The following ARHGAP15 variants were observed in gnomAD, a reference collection of about 807,000 sequenced individuals.
The protein encoded by ARHGAP15 is Rho GTPase activating protein 15.
Under a neutral mutation model 63.7 loss-of-function variants are expected in ARHGAP15, and 51 were observed. The ratio of observed to expected loss-of-function variants is 0.80; its 90% confidence interval spans 0.64 to 1.01. The LOEUF is 1.01. ARHGAP15 is among the 50% of genes least tolerant of loss of function. The pLI is 0.00. For missense variants in ARHGAP15, 560 were observed against 564.6 expected (o/e 0.99, Z 0.08); for synonymous variants, 191 against 193.8 (o/e 0.99, Z 0.12).
chr2:143,501,457 C>G (rs561397816), intron 9 of ARHGAP15, among the ~76,000 whole-genome samples: 1 of 152,154 alleles, frequency 6.6e-6, no homozygotes, highest in East Asian at 1.9e-4. Context: ...GAAGTGAGAG[C>G]CTGTTTTAGT....
At chr2:143,308,477 A>AC (rs1683281736) in intron 6 of ARHGAP15, among the ~76,000 whole-genome samples, 1 of 149,172 alleles carries the variant, frequency 6.7e-6, no homozygotes, top group Admixed American at 6.7e-5. Context: ...GTTGATAAGA[A>AC]ACACACACAC....
At chr2:143,498,944 C>A (rs1692936260) in intron 9 of ARHGAP15, among the ~76,000 whole-genome samples, 1 of 152,100 alleles carries the variant, frequency 6.6e-6, no homozygotes, top group Non-Finnish European at 1.5e-5. Context: ...TAAAAGGCAG[C>A]CATTTAAGAC....
chr2:143,194,889 A>G (rs1189164725), intron 2 of ARHGAP15, among the ~76,000 whole-genome samples: 1 of 152,202 alleles, frequency 6.6e-6, no homozygotes, highest in Admixed American at 6.5e-5. Context: ...TAAATAAAGC[A>G]GAGAAAGAAT....
chr2:143,229,052 C>T (rs918986561), intron 5 of ARHGAP15, among the ~76,000 whole-genome samples: 2 of 151,862 alleles, frequency 1.3e-5, no homozygotes, highest in East Asian at 1.9e-4. Context: ...AAATGCTTAA[C>T]GGATGATACT....
rs1233517799 is a variant in ARHGAP15 at position 143,666,862 on chromosome 2, G to A, written c.1139-36557G>A. On this transcript the variant is annotated intron_variant, in intron 12 of 13. Coordinates refer to ENST00000295095, the MANE Select transcript of ARHGAP15 (RefSeq NM_018460.4). ...CATCAGAGAAATGCAAATCTAAACC[G>A]CAATGAGATACCATCTCACACCAGT... is the stretch of plus-strand genomic sequence containing the variant. Among the ~76,000 whole-genome samples the A allele has an allele frequency of 1.3e-3, 184 of 146,434 alleles. 5 individuals are homozygous for A. The highest frequency in any genetic ancestry group is 3.9e-3 in the African/African-American group (143 of 36,376).
chr2:143,565,205 G>A (rs987033772), intron 11 of ARHGAP15, among the ~76,000 whole-genome samples: 5 of 152,048 alleles, frequency 3.3e-5, no homozygotes, highest in South Asian at 2.1e-4. Context: ...CATGGGGAAG[G>A]GGGCAGAGAG....
intron 6 of ARHGAP15, among the ~76,000 whole-genome samples, chr2:143,327,405 T>C: frequency 6.6e-6 from 1 of 152,118 alleles, no homozygotes; most frequent in East Asian, 1.9e-4. Context: ...ACTTTAAATT[T>C]CATATGGAAC....
intron 2 of ARHGAP15, among the ~76,000 whole-genome samples, chr2:143,201,769 A>T (rs944817278): frequency 8.5e-5 from 13 of 152,126 alleles, no homozygotes; most frequent in Non-Finnish European, 1.6e-4. Context: ...ACACAGGAGA[A>T]TGTATGACAT....
chr2:143,230,727 G>A (rs963396212), intron 5 of ARHGAP15, among the ~76,000 whole-genome samples: 4 of 152,170 alleles, frequency 2.6e-5, no homozygotes, highest in Admixed American at 6.5e-5. Flanking sequence ...GATAGCCCAC[G>A]TTTACCAGTT....
At chr2:143,747,626 A>G (rs528511257) in intron 13 of ARHGAP15, among the ~76,000 whole-genome samples, 1 of 152,286 alleles carries the variant, frequency 6.6e-6, no homozygotes, top group Admixed American at 6.5e-5. Flanking sequence ...GCTTGGAATC[A>G]TATAGTATAC....
At chr2:143,586,899 ATC>A (rs1216029870) in intron 11 of ARHGAP15, among the ~76,000 whole-genome samples, 4 of 149,098 alleles carry the variant, frequency 2.7e-5, no homozygotes, top group Admixed American at 1.3e-4. Context: ...CAATCTCTCA[ATC>A]TCTCTCTCTC....
chr2:143,413,964 T>TGCGCGCGCGCGCGCGCGC (rs1263567075), intron 6 of ARHGAP15, among the ~76,000 whole-genome samples: 9 of 67,024 alleles, frequency 1.3e-4, no homozygotes, highest in African/African-American at 2.1e-4. Context: ...TGTGTGTGTG[T>TGCGCGCGCGCGCGCGCGC]GTGCGCGCTC....
In ARHGAP15 at chr2:143,248,027, G is replaced by C. The variant is rs77638557; in HGVS notation, c.385-2484G>C. ...ACTGTTCCATACATTGGGAAAAACA[G>C]TAGAGGAAAAGGCAAACAAGGCCCT... is the stretch of plus-strand genomic sequence containing the variant. On this transcript the variant is annotated intron_variant, in intron 5 of 13. Transcript: ENST00000295095. Among the ~76,000 whole-genome samples the C allele has an allele frequency of 8.9e-3, 1,355 of 152,192 alleles. 11 individuals carry two copies. Among genetic ancestry groups the C allele is most frequent in the Non-Finnish European group, 0.013 (890 of 67,998 alleles).
intron 13 of ARHGAP15, among the ~76,000 whole-genome samples, chr2:143,766,060 G>T (rs1042176319): frequency 6.6e-6 from 1 of 152,040 alleles, no homozygotes; most frequent in Admixed American, 6.6e-5. Flanking sequence ...CATGGCTTAG[G>T]CCCTGCTCAA....
chr2:143,237,082 G>A (rs945642794), intron 5 of ARHGAP15: 15 of 152,170 alleles, frequency 9.9e-5, no homozygotes, highest in African/African-American at 3.6e-4. Context: ...TAGGTAATGT[G>A]GGGTTTTTGT....
chr2:143,767,546 A>T (rs1207886705), intron 13 of ARHGAP15, among the ~76,000 whole-genome samples: 1 of 152,142 alleles, frequency 6.6e-6, no homozygotes, highest in Non-Finnish European at 1.5e-5. Context: ...TTTACTCAAC[A>T]CTAATCAGGA....
intron 5 of ARHGAP15, among the ~76,000 whole-genome samples, chr2:143,238,866 A>G (rs1157324375): frequency 6.6e-6 from 1 of 152,220 alleles, no homozygotes; most frequent in Non-Finnish European, 1.5e-5. Context: ...TGCAGCTATA[A>G]AAAGGAATGA....
intron 5 of ARHGAP15, among the ~76,000 whole-genome samples, chr2:143,234,497 C>G (rs1168184250): frequency 6.6e-6 from 1 of 152,124 alleles, no homozygotes; most frequent in African/African-American, 2.4e-5. Context: ...TTGGGACATT[C>G]CCAGAGACTG....
At chr2:143,389,093 TC>T (rs986523229) in intron 6 of ARHGAP15, among the ~76,000 whole-genome samples, 4 of 148,560 alleles carry the variant, frequency 2.7e-5, no homozygotes, top group African/African-American at 9.8e-5. Context: ...TATTTTCTGT[TC>T]TTTTACTCAG....
Sources: allele counts gnomAD v4.1 joint callset (sites outside exome capture counted in the v4.1 genomes callset), GRCh38; gene constraint gnomAD v4.1.1; transcripts MANE v1.5; gene names NCBI Gene and HGNC (gene_info 2026-07-23, HGNC 2026-07-21).